Variants in CDH18 observed in about 807,000 individuals in gnomAD.
CDH18 encodes cadherin-18.
CDH18 carries 31 observed loss-of-function variants against 67.9 expected under a neutral mutation model. The observed-to-expected ratio is 0.46, with a 90% CI of 0.34 to 0.62. The LOEUF is 0.62. Among genes scored for constraint, CDH18 ranks in the 20% least tolerant of loss-of-function variants. CDH18 has a pLI of 0.01. For missense variants in CDH18, 890 were observed against 975.5 expected, an observed-to-expected ratio of 0.91 and a Z score of 1.17; for synonymous variants, 362 against 347.2, an observed-to-expected ratio of 1.04 and a Z score of -0.48.
At chr5:19,803,086 T>C (rs144213265) in intron 3 of CDH18, among the ~76,000 whole-genome samples, 149 of 152,296 alleles carry the variant, frequency 9.8e-4, no homozygotes, top group East Asian at 2.5e-3. Context: ...TCTGTTACAG[T>C]TAAGAAGGTG....
intron 2 of CDH18, among the ~76,000 whole-genome samples, chr5:19,840,008 C>T (rs1409872763): frequency 2.6e-5 from 4 of 151,204 alleles, no homozygotes; most frequent in Admixed American, 1.3e-4. Context: ...CCTGTAATCC[C>T]GGCACTTTGG....
At chr5:20,163,290 T>C (rs961163215) in intron 2 of CDH18, among the ~76,000 whole-genome samples, 1 of 152,052 alleles carries the variant, frequency 6.6e-6, no homozygotes, top group Non-Finnish European at 1.5e-5. Context: ...ATTAATTACT[T>C]AGTATTATCC....
chr5:19,826,111 A>G (rs1348629496), intron 3 of CDH18, among the ~76,000 whole-genome samples: 1 of 139,702 alleles, frequency 7.2e-6, no homozygotes, highest in Non-Finnish European at 1.6e-5. Flanking sequence ...AGCAAAATTG[A>G]CCAAGCTGAG....
At chr5:20,298,198 G>A (rs768904885) in intron 1 of CDH18, among the ~76,000 whole-genome samples, 22 of 152,088 alleles carry the variant, frequency 1.4e-4, no homozygotes, top group South Asian at 4.2e-4. Flanking sequence ...TATCTCTTTT[G>A]TAAAATTTCC....
intron 1 of CDH18, among the ~76,000 whole-genome samples, chr5:20,493,845 A>G (rs1413217203): frequency 6.6e-6 from 1 of 152,108 alleles, no homozygotes; most frequent in East Asian, 1.9e-4. Flanking sequence ...TTATAGGTCA[A>G]GCTTCTGGTG....
intron 2 of CDH18, among the ~76,000 whole-genome samples, chr5:20,003,136 A>T (rs1474480607): frequency 6.6e-6 from 1 of 152,164 alleles, no homozygotes; most frequent in Non-Finnish European, 1.5e-5. Flanking sequence ...ATACATTAGG[A>T]TGTGAAAAGA....
chr5:19,640,325 G>T (rs1054459555), intron 5 of CDH18, among the ~76,000 whole-genome samples: 1 of 152,042 alleles, frequency 6.6e-6, no homozygotes, highest in Non-Finnish European at 1.5e-5. Flanking sequence ...GATTACAAGG[G>T]TATTATATGT....
At chr5:19,587,106 T>C (rs1248657938) in intron 7 of CDH18, among the ~76,000 whole-genome samples, 1 of 152,158 alleles carries the variant, frequency 6.6e-6, no homozygotes, top group Non-Finnish European at 1.5e-5. Flanking sequence ...TGCTGGATAT[T>C]AGAGCTTTGT....
At chr5:20,042,872 G>T (rs937074669) in intron 2 of CDH18, among the ~76,000 whole-genome samples, 1 of 152,010 alleles carries the variant, frequency 6.6e-6, no homozygotes, top group African/African-American at 2.4e-5. Context: ...TGAGGCAGGA[G>T]AATGGCGTGA....
At chr5:19,802,518 A>G (rs1405942593) in intron 3 of CDH18, among the ~76,000 whole-genome samples, 2 of 152,216 alleles carry the variant, frequency 1.3e-5, no homozygotes, top group African/African-American at 2.4e-5. Flanking sequence ...AGATAAAATA[A>G]CAAAGTAAAA....
intron 5 of CDH18, among the ~76,000 whole-genome samples, chr5:19,715,606 T>G (rs1765249125): frequency 6.6e-6 from 1 of 152,182 alleles, no homozygotes; most frequent in South Asian, 2.1e-4. Context: ...ATTTATCATG[T>G]TTGTAAAAGA....
chr5:20,392,935 T>C (rs1276152348), intron 1 of CDH18, among the ~76,000 whole-genome samples: 4 of 151,844 alleles, frequency 2.6e-5, no homozygotes, highest in Non-Finnish European at 4.4e-5. Context: ...ATACTCACCA[T>C]TGGATATGAG....
intron 1 of CDH18, among the ~76,000 whole-genome samples, chr5:20,514,136 A>T (rs908105904): frequency 2.6e-5 from 4 of 152,150 alleles, no homozygotes; most frequent in Non-Finnish European, 2.9e-5. Context: ...CTGCATATAG[A>T]CCTGCTTGAG....
intron 1 of CDH18, among the ~76,000 whole-genome samples, chr5:20,419,488 T>A: frequency 1.8e-5 from 2 of 112,880 alleles, no homozygotes; most frequent in Non-Finnish European, 3.4e-5. Context: ...TTTTTTTTTT[T>A]TTTTTGAGAT....
intron 4 of CDH18, among the ~76,000 whole-genome samples, chr5:19,734,960 C>G (rs1768110259): frequency 6.6e-6 from 1 of 152,142 alleles, no homozygotes; most frequent in Admixed American, 6.5e-5. Context: ...TGATTTCTCA[C>G]TCACATACTC....
At chr5:19,921,297 C>A (rs1792430451) in intron 2 of CDH18, among the ~76,000 whole-genome samples, 1 of 152,188 alleles carries the variant, frequency 6.6e-6, no homozygotes, top group South Asian at 2.1e-4. Flanking sequence ...TTTGGGAGGC[C>A]AAGGCGGGCG....
chr5:19,668,417 T>C (rs906456677), intron 5 of CDH18, among the ~76,000 whole-genome samples: 1 of 152,072 alleles, frequency 6.6e-6, no homozygotes, highest in African/African-American at 2.4e-5. Context: ...AACATCCGCT[T>C]ATATTAAAAG....
chr5:20,119,312 T>C (rs537442696), intron 2 of CDH18, among the ~76,000 whole-genome samples: 1 of 152,290 alleles, frequency 6.6e-6, no homozygotes, highest in South Asian at 2.1e-4. Flanking sequence ...CTAGATATCT[T>C]CTTTATATAA....
rs2150111151 is a variant in CDH18, at chr5:19,612,513, T to A, written c.732A>T (p.Gln244His). The change falls in exon 6 of 13, where the codon CAA becomes CAT. Residue 244 changes from glutamine (Q) to histidine (H), a missense_variant. Gln to His is a conservative substitution (Grantham distance 24, BLOSUM62 0). Around this residue, in one of 2 missense-constraint regions of CDH18, gnomAD observed 656 missense variants for 668.1 expected, o/e 0.98. Transcript: ENST00000382275. ...TTGTAGATCCTGAAAGCCCTCCAAC[T>A]TGCCCAGCCATGTCTTTGGCTTGAA... ...VVIQAKDMAG[Q>H]VGGLSGSTTV... The A allele has an allele frequency of 6.2e-7, 1 of 1,614,096 alleles. No individual in the cohort carries two copies. Among genetic ancestry groups the A allele is most frequent in the South Asian group, 1.1e-5 (1 of 91,084 alleles).
Sources: gnomAD v4.1 joint callset for allele counts (sites outside exome capture counted in the v4.1 genomes callset) on GRCh38, gnomAD v4.1.1 for gene constraint, gnomAD v4.1.1 regional missense constraint, MANE v1.5 for transcripts, NCBI Gene and HGNC (gene_info 2026-07-23, HGNC 2026-07-21) for gene names.